The following RFX7 variants were observed in gnomAD, a reference collection of about 807,000 sequenced individuals.
RFX7 encodes the protein DNA-binding protein RFX7.
In RFX7, 26 loss-of-function variants were observed where a neutral mutation model predicts 111.8. The observed-to-expected ratio is 0.23, with a 90% CI of 0.17 to 0.32. The LOEUF (loss-of-function observed/expected upper bound fraction) is 0.32. RFX7 is among the 10% of genes least tolerant of loss of function. The pLI is 1.00. For missense variants in RFX7, 1,573 were observed against 1,772.9 expected (o/e 0.89, Z 2.02); for synonymous variants, 624 against 624.4 (o/e 1.00, Z 0.01).
At chr15:56,244,665 C>T (rs2043799428), upstream of RFX7, among the ~76,000 whole-genome samples, 1 of 140,510 alleles carries the variant, frequency 7.1e-6, no homozygotes, top group African/African-American at 2.6e-5. Flanking sequence ...TAGCTCAAGT[C>T]GCGGCTTGTC....
intron 5 of RFX7, among the ~76,000 whole-genome samples, chr15:56,128,046 T>C (rs1485709299): frequency 2.0e-5 from 3 of 151,840 alleles, no homozygotes; most frequent in Non-Finnish European, 1.5e-5. Context: ...GAAACAAAAT[T>C]CTAGAAGAAC....
intron 3 of RFX7, among the ~76,000 whole-genome samples, chr15:56,158,506 T>C (rs1007097126): frequency 6.6e-5 from 10 of 152,146 alleles, no homozygotes; most frequent in Non-Finnish European, 1.0e-4. Flanking sequence ...GAAAAAAATT[T>C]TTTTTTACAG....
chr15:56,243,643 G>GC lies in RFX7; in HGVS notation c.-202_-201insG, dbSNP rs1367830422. 1.2e-5 allele frequency: 2 copies of GC among 160,888 alleles called. No homozygotes were observed. Among genetic ancestry groups the GC allele is most frequent in the Admixed American group, 6.6e-5 (1 of 15,244 alleles). The allele number at this position is 160,888 out of a possible 1,614,324, so 10.0% of individuals were successfully genotyped here. On this transcript the variant is annotated 5_prime_UTR_variant, in exon 1 of 10. Coordinates refer to ENST00000559447, the MANE Select transcript of RFX7 (RefSeq NM_022841.7). ...ATGGGGGCGTTTGAAGACGAAGTGG[G>GC]GGGGGCAGGCTCCCCCCAAAATCCA...
chr15:56,241,587 A>G (rs1027634197), intron 2 of RFX7, among the ~76,000 whole-genome samples: 1 of 152,186 alleles, frequency 6.6e-6, no homozygotes. Context: ...ACTAGAGGTT[A>G]AAAACACACA....
At position 56,089,878 on chromosome 15, in the gene RFX7, G is replaced by A. The variant is rs1290937400; in HGVS notation, c.*3467C>T. 1.3e-5 allele frequency: 2 copies of A among 152,042 alleles called. No individual in the cohort carries two copies. The highest frequency in any genetic ancestry group is 3.9e-4 in the East Asian group (2 of 5,178). The allele number at this position is 152,042 out of a possible 1,614,324, so 9.4% of individuals were successfully genotyped here. ...GGGCTCCAGATCTATGGTGATAGTG[G>A]AACTATCACAGATCTACAAAGATCT... On this transcript the variant is annotated 3_prime_UTR_variant, in exon 10 of 10. Coordinates refer to ENST00000559447, the MANE Select transcript of RFX7 (RefSeq NM_022841.7).
rs2041792474 is a variant in RFX7, at chr15:56,103,804, G to C, written c.402-134C>G. 3 of 613,488 alleles carry C rather than the reference G, an allele frequency of 4.9e-6. No homozygotes were observed. The East Asian group carries it at 8.4e-5, about 17-fold the overall frequency. 38.0% of individuals were successfully genotyped at this position (613,488 alleles called of 1,614,324 possible). A position where few individuals can be genotyped will look rare whatever the true frequency, so the allele number is the denominator to read the frequency against. ...TCAAGTCATTTGCCACAATGTCTAT[G>C]ATCATCACTCTTTGGTGATGCATGT... On this transcript the variant is annotated intron_variant, in intron 5 of 9. Transcript: ENST00000559447.
intron 5 of RFX7, among the ~76,000 whole-genome samples, chr15:56,126,359 T>C (rs1433594597): frequency 2.6e-5 from 4 of 152,188 alleles, no homozygotes; most frequent in Non-Finnish European, 5.9e-5. Context: ...TGAAAACTAA[T>C]ACCCCATATT....
chr15:56,226,699 A>G (rs2043488381), intron 2 of RFX7, among the ~76,000 whole-genome samples: 1 of 152,232 alleles, frequency 6.6e-6, no homozygotes, highest in Non-Finnish European at 1.5e-5. Context: ...AAGCATTGTG[A>G]TAAGACCTGC....
In RFX7 at chr15:56,088,997, G is replaced by C. The variant is rs1449748043; in HGVS notation, c.*4348C>G. The C allele has an allele frequency of 2.0e-5, 3 of 152,142 alleles. No homozygotes were observed. The highest frequency in any genetic ancestry group is 4.8e-5 in the African/African-American group (2 of 41,432). 9.4% of individuals were successfully genotyped at this position (152,142 alleles called of 1,614,324 possible). On this transcript the variant is annotated 3_prime_UTR_variant, in exon 10 of 10. Coordinates refer to ENST00000559447, the MANE Select transcript of RFX7 (RefSeq NM_022841.7). ...ATCTTACCTAGCTATTTTTTGCAGT[G>C]ACCACTACTGGTTGCCTCCCAAAGA...
intron 2 of RFX7, among the ~76,000 whole-genome samples, chr15:56,182,742 C>T (rs2042988938): frequency 6.6e-6 from 1 of 152,138 alleles, no homozygotes; most frequent in Non-Finnish European, 1.5e-5. Context: ...ATCTATTCCT[C>T]TACTGAAAGG....
intron 2 of RFX7, among the ~76,000 whole-genome samples, chr15:56,224,467 T>TGTGTGTGTGTGTG (rs111880963): frequency 5.4e-5 from 8 of 147,204 alleles, no homozygotes; most frequent in Non-Finnish European, 1.1e-4. Flanking sequence ...GATTAGGATT[T>TGTGTGTGTGTGTG]TGTGTGTGTG....
chr15:56,172,514 G>A (rs1595985454), intron 3 of RFX7, among the ~76,000 whole-genome samples: 3 of 152,126 alleles, frequency 2.0e-5, no homozygotes, highest in African/African-American at 7.2e-5. Flanking sequence ...GACCTAGAGG[G>A]TAGGCAGAGA....
chr15:56,133,069 T>C (rs868428292), intron 5 of RFX7, among the ~76,000 whole-genome samples: 11 of 152,276 alleles, frequency 7.2e-5, no homozygotes, highest in Middle Eastern at 3.4e-3. Context: ...GCTAAATTTC[T>C]TCTTTATACA....
At chr15:56,170,518 GA>G (rs1316544516) in intron 3 of RFX7, among the ~76,000 whole-genome samples, 1 of 152,126 alleles carries the variant, frequency 6.6e-6, no homozygotes, top group Admixed American at 6.5e-5. Flanking sequence ...CACCAAGTGT[GA>G]AAACCCAAAA....
intron 2 of RFX7, among the ~76,000 whole-genome samples, chr15:56,211,167 G>GA (rs765640403): frequency 7.9e-5 from 12 of 152,038 alleles, no homozygotes; most frequent in Non-Finnish European, 1.8e-4. Context: ...AAAGGGTCTG[G>GA]ATGGGTTCAC....
chr15:56,088,019 C>A lies in RFX7; in HGVS notation c.*5326G>T. On this transcript the variant is annotated 3_prime_UTR_variant, in exon 10 of 10. Transcript: ENST00000559447. ...TGGAGAGAAGGGAGGGAAAAGGATT[C>A]AAGTAATTTGGAGGAAAATTACAAA... 1 of 300,260 alleles carries A rather than the reference C, an allele frequency of 3.3e-6. No homozygotes were observed. The highest frequency in any genetic ancestry group is 6.6e-6 in the Non-Finnish European group (1 of 151,556). 18.6% of individuals were successfully genotyped at this position (300,260 alleles called of 1,614,324 possible). A position where few individuals can be genotyped will look rare whatever the true frequency, so the allele number is the denominator to read the frequency against.
chr15:56,145,562 A>G (rs1403993603), intron 3 of RFX7, among the ~76,000 whole-genome samples: 1 of 152,208 alleles, frequency 6.6e-6, no homozygotes, highest in African/African-American at 2.4e-5. Flanking sequence ...TCTTGCTCCA[A>G]TACCTAATGT....
At chr15:56,204,933 C>A (rs182487070) in intron 2 of RFX7, among the ~76,000 whole-genome samples, 1 of 152,216 alleles carries the variant, frequency 6.6e-6, no homozygotes, top group African/African-American at 2.4e-5. Flanking sequence ...AAGTAGTATA[C>A]ACAGAAACAT....
intron 5 of RFX7, among the ~76,000 whole-genome samples, chr15:56,126,546 T>C (rs1396613946): frequency 6.6e-6 from 1 of 152,198 alleles, no homozygotes; most frequent in African/African-American, 2.4e-5. Context: ...ATGGCAAATG[T>C]AAACCTTACT....
Sources: allele counts gnomAD v4.1 joint callset (sites outside exome capture counted in the v4.1 genomes callset), GRCh38; gene constraint gnomAD v4.1.1; transcripts MANE v1.5; gene names NCBI Gene and HGNC (gene_info 2026-07-23, HGNC 2026-07-21).